Variants in AK7 observed in about 807,000 individuals in gnomAD.
AK7 encodes ATP-AMP transphosphorylase 7.
In AK7, 78 loss-of-function variants were observed where a neutral mutation model predicts 96.6. That is an observed-to-expected ratio of 0.81 (90% CI 0.67 to 0.97). The LOEUF (loss-of-function observed/expected upper bound fraction) is 0.97. AK7 is among the 50% of genes least tolerant of loss of function. The pLI is 0.00. For synonymous variants in AK7, 302 were observed against 317.2 expected (o/e 0.95, Z 0.51); for missense variants, 855 against 887.9 (o/e 0.96, Z 0.47).
intron 17 of AK7, chr14:96,487,995 C>T: frequency 2.5e-6 from 1 of 405,552 alleles, no homozygotes; most frequent in Non-Finnish European, 4.8e-6. Context: ...TTACTGCAAC[C>T]TCCACCTCCC....
intron 12 of AK7, among the ~76,000 whole-genome samples, chr14:96,465,737 C>T (rs577283725): frequency 5.4e-4 from 82 of 151,140 alleles, no homozygotes; most frequent in African/African-American, 1.9e-3. Context: ...AGAGGCCAGG[C>T]GCAGTGGCTC....
chr14:96,426,983 C>A (rs1312221364), intron 5 of AK7, among the ~76,000 whole-genome samples: 8 of 152,286 alleles, frequency 5.3e-5, no homozygotes, highest in Admixed American at 4.6e-4. Context: ...TGGTGGCTCA[C>A]GCCTGTAATC....
intron 14 of AK7, among the ~76,000 whole-genome samples, chr14:96,475,407 GTTGGGGTTTCT>G (rs973857814): frequency 4.6e-5 from 7 of 152,176 alleles, no homozygotes; most frequent in African/African-American, 1.7e-4. Flanking sequence ...CAATGCCGTT[GTTGGGGTTTCT>G]TTGGGAAAGC....
At chr14:96,420,085 C>T (rs935039652) in intron 4 of AK7, among the ~76,000 whole-genome samples, 23 of 151,672 alleles carry the variant, frequency 1.5e-4, no homozygotes, top group African/African-American at 2.4e-5. Flanking sequence ...AGGCTGGTCT[C>T]GAACTCCAGA....
intron 10 of AK7, among the ~76,000 whole-genome samples, chr14:96,454,725 TG>T (rs1893797879): frequency 6.6e-6 from 1 of 151,928 alleles, no homozygotes; most frequent in South Asian, 2.1e-4. Context: ...CCTCGTTTTT[TG>T]TAGAGAGGGG....
chr14:96,399,421 C>G lies in AK7; in HGVS notation c.294+1158C>G, dbSNP rs900093772. Reference sequence around the variant, plus strand: ...ACTGGCTTCTTCCTCTATACCTACACATATGCTCAAATCATTCCTGCTGTA... The same window carrying G: ...ACTGGCTTCTTCCTCTATACCTACAGATATGCTCAAATCATTCCTGCTGTA... On this transcript the variant is annotated intron_variant, in intron 2 of 17. Coordinates refer to ENST00000267584, the MANE Select transcript of AK7 (RefSeq NM_152327.5). This position sits in a 1 kb window ranked among gnomAD's most constrained non-coding sequence, Gnocchi z 4.1. 1 of 152,468 alleles carries G rather than the reference C, an allele frequency of 6.6e-6. No individual in the cohort carries two copies. The highest frequency in any genetic ancestry group is 2.4e-5 in the African/African-American group (1 of 41,462). The allele number at this position is 152,468 out of a possible 1,614,324, so 9.4% of individuals were successfully genotyped here.
intron 5 of AK7, chr14:96,423,654 C>G: frequency 1.6e-6 from 1 of 619,144 alleles, no homozygotes; most frequent in Non-Finnish European, 3.0e-6. Flanking sequence ...GAGAACACAG[C>G]TCGGGGCCTC....
At chr14:96,400,649 G>C (rs1029379949) in intron 2 of AK7, among the ~76,000 whole-genome samples, 10 of 152,178 alleles carry the variant, frequency 6.6e-5, no homozygotes, top group Admixed American at 3.3e-4. Flanking sequence ...ACACAGTGAC[G>C]CTCTGGCAAA....
intron 8 of AK7, among the ~76,000 whole-genome samples, chr14:96,449,171 C>T (rs1893430033): frequency 6.6e-6 from 1 of 152,148 alleles, no homozygotes; most frequent in Admixed American, 6.6e-5. Flanking sequence ...CCAGCTCCTA[C>T]TACCATCAGC....
chr14:96,471,179 A>C (rs1413023107), intron 12 of AK7, among the ~76,000 whole-genome samples: 1 of 152,006 alleles, frequency 6.6e-6, no homozygotes, highest in African/African-American at 2.4e-5. Flanking sequence ...AAAACGTTTA[A>C]AAATCAGTGG....
chr14:96,456,238 CAAAAAAAAAAAAAAA>C (rs56356389), intron 10 of AK7, 94 bp from the exon 11 acceptor site: 3 of 398,144 alleles, frequency 7.5e-6, no homozygotes, highest in Non-Finnish European at 1.1e-5. Context: ...GACTCTGTCT[CAAAAAAAAAAAAAAA>C]AAAAAAAAGC....
intron 3 of AK7, among the ~76,000 whole-genome samples, chr14:96,406,148 G>A (rs1253698751): frequency 6.6e-6 from 1 of 151,902 alleles, no homozygotes; most frequent in Non-Finnish European, 1.5e-5. Context: ...CCACCTCCCG[G>A]GTTCAAGTGA....
At chr14:96,442,451 G>T (rs924344522) in intron 6 of AK7, among the ~76,000 whole-genome samples, 5 of 152,172 alleles carry the variant, frequency 3.3e-5, no homozygotes, top group African/African-American at 1.2e-4. Context: ...CAGTCCCAGG[G>T]CTACACATTA....
chr14:96,468,690 T>C (rs937883071), intron 12 of AK7, among the ~76,000 whole-genome samples: 5 of 152,104 alleles, frequency 3.3e-5, no homozygotes, highest in South Asian at 2.1e-4. Flanking sequence ...AGAAGCCAGG[T>C]TGTCATCTCA....
At position 96,483,134 on chromosome 14, in the gene AK7, T is replaced by A; in HGVS notation, c.1889T>A (p.Leu630Gln). The change falls in exon 16 of 18, where the codon CTG becomes CAG. Residue 630 changes from leucine to glutamine, a missense_variant. By Grantham distance (113) the Leu-to-Gln change is moderately radical. Transcript: ENST00000267584. The part of the protein sequence containing the change: ...EEERKAAEER[L>Q]AREAAEEAER... ...GAGCGGAAGGCTGCGGAGGAGCGGC[T>A]GGCCAGGGAGGCTGCTGAGGAAGCA... 6.2e-7 allele frequency: 1 copy of A among 1,614,076 alleles called. No individual in the cohort carries two copies. The highest frequency in any genetic ancestry group is 8.5e-7 in the Non-Finnish European group (1 of 1,180,004).
intron 12 of AK7, among the ~76,000 whole-genome samples, chr14:96,469,307 G>A (rs555666390): frequency 6.6e-6 from 1 of 152,184 alleles, no homozygotes; most frequent in Non-Finnish European, 1.5e-5. Flanking sequence ...GATCACCTGA[G>A]GTCAGGAGTT....
chr14:96,419,040 T>A (rs900208488), intron 4 of AK7, among the ~76,000 whole-genome samples: 4 of 152,252 alleles, frequency 2.6e-5, no homozygotes, highest in African/African-American at 4.8e-5. Context: ...GGCTCTCAAT[T>A]ATTTCTTCTG....
intron 2 of AK7, among the ~76,000 whole-genome samples, chr14:96,401,022 C>T (rs932596573): frequency 2.6e-5 from 4 of 152,292 alleles, no homozygotes; most frequent in South Asian, 2.1e-4. Flanking sequence ...CTATTGGTCA[C>T]GGGGTCCTCA....
chr14:96,413,907 A>G (rs1351599113), intron 4 of AK7, among the ~76,000 whole-genome samples: 9 of 152,204 alleles, frequency 5.9e-5, no homozygotes, highest in Admixed American at 4.6e-4. Context: ...CATGAAATCT[A>G]GAGAAGGGAG....
Sources: allele counts gnomAD v4.1 joint callset (sites outside exome capture counted in the v4.1 genomes callset), GRCh38; gene constraint gnomAD v4.1.1; non-coding constraint Gnocchi (gnomAD v3.1); transcripts MANE v1.5; gene names NCBI Gene and HGNC (gene_info 2026-07-23, HGNC 2026-07-21).